Variants in PRORP observed in about 807,000 individuals in gnomAD.
PRORP encodes the protein protein only RNase P catalytic subunit, also known as mitochondrial ribonuclease P catalytic subunit.
PRORP carries 51 observed loss-of-function variants against 59.4 expected under a neutral mutation model. The ratio of observed to expected loss-of-function variants is 0.86; its 90% confidence interval spans 0.69 to 1.08. The LOEUF is 1.08. Ranked by LOEUF, PRORP falls within the 50% of genes least tolerant of loss-of-function variation. PRORP has a pLI of 0.00. For synonymous variants in PRORP, 231 were observed against 245.6 expected (o/e 0.94, Z 0.55); for missense variants, 646 against 690.3 (o/e 0.94, Z 0.72).
chr14:35,152,534 G>A (rs2047787787), intron 4 of PRORP, among the ~76,000 whole-genome samples: 1 of 151,396 alleles, frequency 6.6e-6, no homozygotes, highest in South Asian at 2.1e-4. Context: ...CCACCTCCCG[G>A]ATGGGGCAGC....
At chr14:35,227,488 A>G (rs2049965189) in intron 5 of PRORP, among the ~76,000 whole-genome samples, 2 of 152,110 alleles carry the variant, frequency 1.3e-5, no homozygotes, top group Admixed American at 6.5e-5. Flanking sequence ...CATTGGCATA[A>G]TGTCCCCTTA....
intron 5 of PRORP, among the ~76,000 whole-genome samples, chr14:35,186,000 C>T (rs372060017): frequency 6.6e-6 from 1 of 151,932 alleles, no homozygotes; most frequent in Non-Finnish European, 1.5e-5. Flanking sequence ...TTTCATCTTA[C>T]AGTTTCTGGA....
At chr14:35,165,670 C>T (rs2048165701) in intron 4 of PRORP, among the ~76,000 whole-genome samples, 1 of 151,234 alleles carries the variant, frequency 6.6e-6, no homozygotes, top group African/African-American at 2.4e-5. Flanking sequence ...ATGTCATGTG[C>T]CCTTTAAAAT....
At chr14:35,186,149 A>ATT (rs34848889) in intron 5 of PRORP, among the ~76,000 whole-genome samples, 4,824 of 131,338 alleles carry the variant, frequency 0.037, 301 homozygotes, top group African/African-American at 0.12. Context: ...AGTCCAGCTA[A>ATT]TTTTTTTTTT....
chr14:35,232,313 C>G (rs2050102089), intron 5 of PRORP, among the ~76,000 whole-genome samples: 1 of 151,630 alleles, frequency 6.6e-6, no homozygotes, highest in East Asian at 1.9e-4. Flanking sequence ...TCAAGCAGTC[C>G]TCTCACCTCA....
rs2047652318 is a variant in PRORP, at chr14:35,148,005, T to G, written c.1167+20394T>G. 2.6e-5 allele frequency among the ~76,000 whole-genome samples: 4 copies of G among 152,244 alleles called. No homozygotes were observed. The South Asian group carries it at 8.3e-4, about 31-fold the overall frequency. ...CCACTTCTAATTCTAGTTCTCTTGC[T>G]ATTTCCACCATATCTGCAGTTCCTT... is the stretch of plus-strand genomic sequence containing the variant. On this transcript the variant is annotated intron_variant, in intron 4 of 7. Transcript: ENST00000534898.
intron 5 of PRORP, among the ~76,000 whole-genome samples, chr14:35,205,459 G>T (rs2049267739): frequency 6.6e-6 from 1 of 152,014 alleles, no homozygotes; most frequent in African/African-American, 2.4e-5. Context: ...CAAATTGCTG[G>T]GATTACAGGC....
chr14:35,138,082 T>A (rs2047411691), intron 4 of PRORP, among the ~76,000 whole-genome samples: 1 of 145,970 alleles, frequency 6.9e-6, no homozygotes, highest in Non-Finnish European at 1.5e-5. Flanking sequence ...TCAGCTTTGG[T>A]TTCTCTTGAT....
intron 4 of PRORP, among the ~76,000 whole-genome samples, chr14:35,147,092 T>C (rs190788487): frequency 1.3e-5 from 2 of 152,304 alleles, no homozygotes; most frequent in African/African-American, 2.4e-5. Flanking sequence ...AGTGAGACTC[T>C]GCCTCTAAAC....
chr14:35,198,843 C>G (rs2049070752), intron 5 of PRORP, among the ~76,000 whole-genome samples: 1 of 151,892 alleles, frequency 6.6e-6, no homozygotes, highest in Non-Finnish European at 1.5e-5. Flanking sequence ...CCATCCTGGC[C>G]AACATGGTGA....
At chr14:35,202,808 T>A (rs886672849) in intron 5 of PRORP, among the ~76,000 whole-genome samples, 17 of 152,012 alleles carry the variant, frequency 1.1e-4, no homozygotes, top group Admixed American at 2.0e-4. Flanking sequence ...TAAAAAAAAA[T>A]TTTTTTGTAG....
At chr14:35,254,431 T>G (rs2050695766) in intron 5 of PRORP, among the ~76,000 whole-genome samples, 1 of 152,148 alleles carries the variant, frequency 6.6e-6, no homozygotes, top group Non-Finnish European at 1.5e-5. Flanking sequence ...TCGCTCTTGT[T>G]GCCCAGGCTG....
intron 5 of PRORP, among the ~76,000 whole-genome samples, chr14:35,241,717 C>T (rs1188267894): frequency 6.6e-6 from 1 of 152,126 alleles, no homozygotes; most frequent in Non-Finnish European, 1.5e-5. Context: ...CCAGCCTCGA[C>T]TCACCTCTCC....
At chr14:35,193,345 G>A (rs762059168) in intron 5 of PRORP, among the ~76,000 whole-genome samples, 2 of 152,186 alleles carry the variant, frequency 1.3e-5, no homozygotes, top group Non-Finnish European at 2.9e-5. Flanking sequence ...CATGCTTGGG[G>A]CATTGAATAG....
At position 35,216,037 on chromosome 14, in the gene PRORP, G is replaced by A. The variant is rs372760307; in HGVS notation, c.1275+35260G>A. On this transcript the variant is annotated intron_variant, in intron 5 of 7. Transcript: ENST00000534898. ...CTGCCTCGGCCTCCCAAAGTGCTGG[G>A]ATTATAGGCATGAGCCACCGCACCC... Among the ~76,000 whole-genome samples the A allele has an allele frequency of 1.3e-4, 19 of 144,028 alleles. No homozygotes were observed. The East Asian group carries it at 3.5e-3, about 26-fold the overall frequency. 94.5% of individuals were successfully genotyped at this position (144,028 alleles called of 152,430 possible). A position where few individuals can be genotyped will look rare whatever the true frequency, so the allele number is the denominator to read the frequency against.
intron 5 of PRORP, among the ~76,000 whole-genome samples, chr14:35,256,013 C>T (rs1190302826): frequency 3.3e-5 from 5 of 151,896 alleles, no homozygotes; most frequent in African/African-American, 9.7e-5. Context: ...AGGCTGGGCG[C>T]AGTGGTTCAC....
chr14:35,128,334 G>C (rs931406910), intron 4 of PRORP, among the ~76,000 whole-genome samples: 5 of 150,962 alleles, frequency 3.3e-5, no homozygotes, highest in African/African-American at 1.2e-4. Context: ...TCTGGTTTTG[G>C]TATCAAGGTA....
At chr14:35,126,371 A>G (rs1456155306) in intron 2 of PRORP, among the ~76,000 whole-genome samples, 2 of 152,258 alleles carry the variant, frequency 1.3e-5, no homozygotes, top group African/African-American at 4.8e-5. Context: ...ACAGTGAAAT[A>G]ACAGTGGTGT....
chr14:35,247,916 C>G (rs1404427913), intron 5 of PRORP, among the ~76,000 whole-genome samples: 1 of 152,146 alleles, frequency 6.6e-6, no homozygotes, highest in Non-Finnish European at 1.5e-5. Context: ...CTTTGACTCT[C>G]AGCTAGCTGA....
Sources: gnomAD v4.1 joint callset for allele counts (sites outside exome capture counted in the v4.1 genomes callset) on GRCh38, gnomAD v4.1.1 for gene constraint, MANE v1.5 for transcripts, NCBI Gene and HGNC (gene_info 2026-07-23, HGNC 2026-07-21) for gene names.